Variants in MBOAT1 observed in about 807,000 individuals in gnomAD.
The protein encoded by MBOAT1 is membrane-bound glycerophospholipid O-acyltransferase 1.
MBOAT1 carries 67 observed loss-of-function variants against 64.4 expected under a neutral mutation model. That is an observed-to-expected ratio of 1.04 (90% CI 0.85 to 1.27). The LOEUF (loss-of-function observed/expected upper bound fraction) is 1.27, where lower values mean the gene tolerates loss of function less well. Among genes scored for constraint, MBOAT1 ranks in the 50% most tolerant of loss-of-function variants. The pLI is 0.00. For missense variants in MBOAT1, 563 were observed against 604.6 expected (o/e 0.93, Z 0.72); for synonymous variants, 229 against 218.9 (o/e 1.05, Z -0.41).
chr6:20,181,657 T>C (rs745968930), intron 1 of MBOAT1, among the ~76,000 whole-genome samples: 11 of 152,196 alleles, frequency 7.2e-5, no homozygotes, highest in Non-Finnish European at 1.6e-4. Context: ...AGCAGACCAC[T>C]TACACATAAG....
chr6:20,173,810 G>C (rs1412088554), intron 1 of MBOAT1, among the ~76,000 whole-genome samples: 1 of 152,160 alleles, frequency 6.6e-6, no homozygotes. Flanking sequence ...AATCAGCCAG[G>C]CATGGTGGCA....
At chr6:20,155,061 G>A (rs1363970686) in intron 1 of MBOAT1, among the ~76,000 whole-genome samples, 1 of 152,216 alleles carries the variant, frequency 6.6e-6, no homozygotes, top group Non-Finnish European at 1.5e-5. Flanking sequence ...AGTGGCTACA[G>A]GGAAATTTCC....
intron 1 of MBOAT1, among the ~76,000 whole-genome samples, chr6:20,189,895 T>A (rs913742676): frequency 3.9e-5 from 6 of 152,226 alleles, no homozygotes; most frequent in African/African-American, 1.4e-4. Flanking sequence ...AGTATTCCAC[T>A]ATTTATGTAT....
At chr6:20,147,638 CA>C (rs764732647) in intron 3 of MBOAT1, among the ~76,000 whole-genome samples, 3,935 of 96,158 alleles carry the variant, frequency 0.041, 156 homozygotes, top group African/African-American at 0.12. Context: ...AACTCCGTCT[CA>C]AAAAAAAAAA....
intron 1 of MBOAT1, among the ~76,000 whole-genome samples, chr6:20,156,508 C>T (rs1477767547): frequency 2.6e-5 from 4 of 152,152 alleles, no homozygotes; most frequent in Non-Finnish European, 5.9e-5. Context: ...AACACCACCA[C>T]GTAGTTCTAG....
chr6:20,145,511 C>T (rs745430648), intron 3 of MBOAT1, among the ~76,000 whole-genome samples: 3 of 152,206 alleles, frequency 2.0e-5, no homozygotes, highest in African/African-American at 7.2e-5. Context: ...TATTCACCTA[C>T]TGTGTGTCAA....
chr6:20,131,712 T>A (rs999900149), intron 4 of MBOAT1, among the ~76,000 whole-genome samples: 12 of 152,254 alleles, frequency 7.9e-5, no homozygotes, highest in African/African-American at 2.9e-4. Context: ...AATAATGAAT[T>A]TGAAATAAAC....
chr6:20,149,972 C>G (rs1180673235), intron 3 of MBOAT1, among the ~76,000 whole-genome samples: 4 of 152,108 alleles, frequency 2.6e-5, no homozygotes, highest in Admixed American at 1.3e-4. Context: ...ATTTATTGAG[C>G]TCTTACTTGT....
intron 1 of MBOAT1, among the ~76,000 whole-genome samples, chr6:20,197,533 A>G (rs1220500152): frequency 6.6e-6 from 1 of 152,156 alleles, no homozygotes; most frequent in African/African-American, 2.4e-5. Flanking sequence ...CTGTTCCTCT[A>G]TGCTCCCCTC....
chr6:20,163,966 G>A (rs569244515), intron 1 of MBOAT1, among the ~76,000 whole-genome samples: 8 of 152,092 alleles, frequency 5.3e-5, no homozygotes, highest in Admixed American at 1.3e-4. Flanking sequence ...ACCGGGGCCC[G>A]GGATGTCAAG....
intron 1 of MBOAT1, among the ~76,000 whole-genome samples, chr6:20,203,645 C>T (rs931275613): frequency 3.3e-5 from 5 of 152,068 alleles, no homozygotes; most frequent in African/African-American, 7.2e-5. Flanking sequence ...ACAAAGATGA[C>T]GAAGATTCAT....
chr6:20,196,849 C>T (rs949116699), intron 1 of MBOAT1, among the ~76,000 whole-genome samples: 21 of 137,880 alleles, frequency 1.5e-4, no homozygotes, highest in Admixed American at 1.3e-3. Flanking sequence ...GCAACAAGAG[C>T]GAAACTCCAT....
intron 1 of MBOAT1, among the ~76,000 whole-genome samples, chr6:20,208,704 A>T (rs1561790255): frequency 6.6e-6 from 1 of 152,008 alleles, no homozygotes; most frequent in Non-Finnish European, 1.5e-5. Flanking sequence ...GGAAAAAAAA[A>T]TACCTCAGAG....
At position 20,121,524 on chromosome 6, in the gene MBOAT1, T is replaced by C. The variant is rs568062089; in HGVS notation, c.907+2884A>G. Among the ~76,000 whole-genome samples, 21 of 152,268 alleles carry C rather than the reference T, an allele frequency of 1.4e-4. 1 individual carries two copies. The South Asian group carries it at 3.7e-3, about 27-fold the overall frequency. ...TCCACAGGAAGGGGTACCTCTACACTGTACTGCAGATGTCTGGGGAACTCC... is the reference window on the plus strand; with the variant it reads ...TCCACAGGAAGGGGTACCTCTACACCGTACTGCAGATGTCTGGGGAACTCC... On this transcript the variant is annotated intron_variant, in intron 8 of 12. Coordinates refer to ENST00000324607, the MANE Select transcript of MBOAT1 (RefSeq NM_001080480.3).
chr6:20,123,918 T>C (rs761453845), intron 8 of MBOAT1, among the ~76,000 whole-genome samples: 23 of 151,936 alleles, frequency 1.5e-4, no homozygotes, highest in African/African-American at 2.2e-4. Flanking sequence ...ATTAGCTGGG[T>C]GTGGTGGCGG....
At chr6:20,127,719 G>A (rs540049833) in intron 6 of MBOAT1, among the ~76,000 whole-genome samples, 3 of 152,222 alleles carry the variant, frequency 2.0e-5, no homozygotes, top group South Asian at 2.1e-4. Context: ...CAGGGCTCCC[G>A]CAGATTCTAC....
intron 1 of MBOAT1, among the ~76,000 whole-genome samples, chr6:20,157,484 AT>A (rs1418424931): frequency 6.6e-6 from 1 of 152,188 alleles, no homozygotes; most frequent in Admixed American, 6.5e-5. Flanking sequence ...ATCTAGGCAA[AT>A]TTTTTTGTAA....
At chr6:20,105,736 C>A (rs1015780376) in intron 12 of MBOAT1, among the ~76,000 whole-genome samples, 2 of 152,164 alleles carry the variant, frequency 1.3e-5, no homozygotes, top group Non-Finnish European at 2.9e-5. Context: ...AGATCACAAT[C>A]GCGCCACTGC....
At position 20,169,541 on chromosome 6, in the gene MBOAT1, T is replaced by C. The variant is rs74634029; in HGVS notation, c.100-16772A>G. Among the ~76,000 whole-genome samples the C allele has an allele frequency of 2.2e-4, 33 of 151,708 alleles. No individual in the cohort carries two copies. The East Asian group carries it at 6.2e-3, about 29-fold the overall frequency. ...TATTATGTAATCACCTTCTCCAAAA[T>C]ATGTGTGTATATTAAAAAGGAAACT... On this transcript the variant is annotated intron_variant, in intron 1 of 12. Transcript: ENST00000324607.
Sources: gnomAD v4.1 joint callset for allele counts (sites outside exome capture counted in the v4.1 genomes callset) on GRCh38, gnomAD v4.1.1 for gene constraint, MANE v1.5 for transcripts, NCBI Gene and HGNC (gene_info 2026-07-23, HGNC 2026-07-21) for gene names.